Variants in PCDHGA4 observed in about 807,000 individuals in gnomAD.
PCDHGA4 encodes protocadherin gamma subfamily A, 4.
PCDHGA4 carries 38 observed loss-of-function variants against 54.6 expected under a neutral mutation model. The ratio of observed to expected loss-of-function variants is 0.70; its 90% CI spans 0.54 to 0.91. The LOEUF is 0.91. PCDHGA4 is among the 40% of genes least tolerant of loss of function. The probability of loss-of-function intolerance (pLI) is 0.00; values close to 1 mark genes in which losing one functional copy is unlikely to be tolerated. For missense variants in PCDHGA4, 1,298 were observed against 1,220.9 expected, an observed-to-expected ratio of 1.06 and a Z score of -0.94; for synonymous variants, 511 against 512.9, an observed-to-expected ratio of 1.00 and a Z score of 0.05.
At chr5:141,398,667 A>G (rs750777887) in intron 1 of PCDHGA4, 1 of 1,614,006 alleles carries the variant, frequency 6.2e-7, no homozygotes, top group Admixed American at 1.7e-5. Flanking sequence ...GTTTCTCATT[A>G]ATAATTAAGG....
chr5:141,361,727 C>A, intron 1 of PCDHGA4: 1 of 1,613,274 alleles, frequency 6.2e-7, no homozygotes, highest in Non-Finnish European at 8.5e-7. Flanking sequence ...TTCGAGCTCA[C>A]ACTGCAGGCC....
At chr5:141,506,700 G>A (rs780282969) in intron 3 of PCDHGA4, among the ~76,000 whole-genome samples, 3 of 152,138 alleles carry the variant, frequency 2.0e-5, no homozygotes, top group Non-Finnish European at 2.9e-5. Flanking sequence ...ACCCAAACCC[G>A]TTTTTTACTG....
chr5:141,366,787 T>C, intron 1 of PCDHGA4: 1 of 1,572,004 alleles, frequency 6.4e-7, no homozygotes, highest in Non-Finnish European at 8.6e-7. Flanking sequence ...GACCAGAACA[T>C]TTTCATTTGT....
intron 1 of PCDHGA4, among the ~76,000 whole-genome samples, chr5:141,425,114 T>A (rs537694464): frequency 5.9e-5 from 9 of 152,326 alleles, no homozygotes; most frequent in African/African-American, 2.2e-4. Context: ...TGCCTACATT[T>A]TTCTTGAAGT....
intron 1 of PCDHGA4, chr5:141,366,813 T>G (rs1281662720): frequency 6.5e-7 from 1 of 1,549,490 alleles, no homozygotes. Flanking sequence ...TTTTCATGTT[T>G]CTGTCATATT....
intron 2 of PCDHGA4, among the ~76,000 whole-genome samples, chr5:141,502,988 C>A (rs1285178746): frequency 6.7e-6 from 1 of 150,346 alleles, no homozygotes; most frequent in Non-Finnish European, 1.5e-5. Flanking sequence ...GGATTACAGG[C>A]GTGTGCCACC....
chr5:141,471,124 A>C (rs2099250596), intron 1 of PCDHGA4, among the ~76,000 whole-genome samples: 1 of 141,916 alleles, frequency 7.0e-6, no homozygotes, highest in East Asian at 2.1e-4. Flanking sequence ...TCTTACCTTC[A>C]CTGCAACCTC....
chr5:141,404,651 C>T, intron 1 of PCDHGA4: 2 of 1,614,184 alleles, frequency 1.2e-6, no homozygotes, highest in Non-Finnish European at 1.7e-6. Flanking sequence ...GTACCCTGCC[C>T]TCCCCACTGA....
chr5:141,474,011 A>T (rs910186122), intron 1 of PCDHGA4, among the ~76,000 whole-genome samples: 2 of 152,112 alleles, frequency 1.3e-5, no homozygotes, highest in Non-Finnish European at 2.9e-5. Flanking sequence ...TGGAAGTTAC[A>T]GTGAGCTATG....
chr5:141,366,872 A>C (rs1764836796), intron 1 of PCDHGA4: 2 of 1,396,140 alleles, frequency 1.4e-6, no homozygotes, highest in Admixed American at 2.4e-5. Flanking sequence ...GCTGTATTGG[A>C]GATTAATTTT....
intron 1 of PCDHGA4, chr5:141,411,270 A>G (rs1299052773): frequency 6.6e-6 from 1 of 152,160 alleles, no homozygotes; most frequent in African/African-American, 2.4e-5. Context: ...ATATTTTTAA[A>G]GCCTAAAAAT....
intron 1 of PCDHGA4, chr5:141,419,602 C>T (rs757423030): frequency 6.2e-7 from 1 of 1,611,874 alleles, no homozygotes; most frequent in Admixed American, 1.7e-5. Flanking sequence ...TGCCGCGGGC[C>T]GCGCAGCCAG....
At chr5:141,453,046 T>C (rs1561950003) in intron 1 of PCDHGA4, among the ~76,000 whole-genome samples, 1 of 152,186 alleles carries the variant, frequency 6.6e-6, no homozygotes, top group Non-Finnish European at 1.5e-5. Context: ...GTTTCTATTA[T>C]GTGCAGTTTT....
rs1339855222 is a variant in PCDHGA4, at chr5:141,355,369, C to A, written c.262C>A (p.Arg88=). Residue 88 remains arginine, a synonymous_variant, in exon 1 of 4, where the codon CGG becomes AGG. Transcript: ENST00000571252. The part of the protein sequence containing the change: ...NIAKDLGLAP[R]ELAERGVRIV... ...CGCCAAGGACCTGGGGTTGGCGCCC[C>A]GGGAGCTGGCGGAGCGCGGAGTCCG... 2 of 1,614,040 alleles carry A rather than the reference C, an allele frequency of 1.2e-6. No homozygotes were observed. Among genetic ancestry groups the A allele is most frequent in the Admixed American group, 3.3e-5 (2 of 60,026 alleles).
chr5:141,379,192 T>A (rs970501153), intron 1 of PCDHGA4: 36 of 152,346 alleles, frequency 2.4e-4, no homozygotes, highest in African/African-American at 8.7e-4. Context: ...AGTTGATGTG[T>A]TTTTAAATAA....
rs911461762 is a variant in PCDHGA4 at position 141,512,938 on chromosome 5, T to C, written c.*1765T>C. The stretch of plus-strand genomic sequence containing the variant: ...ACTCTAATATTTATATGGCTTTTTT[T>C]CTTCGACAAAAAAATAATAAAACGT... On this transcript the variant is annotated 3_prime_UTR_variant, in exon 4 of 4. Coordinates refer to ENST00000571252, the MANE Select transcript of PCDHGA4 (RefSeq NM_018917.4). 6.6e-6 allele frequency: 1 copy of C among 151,928 alleles called. No homozygotes were observed. Among genetic ancestry groups the C allele is most frequent in the Non-Finnish European group, 1.5e-5 (1 of 67,934 alleles). The allele number at this position is 151,928 out of a possible 1,614,324, so 9.4% of individuals were successfully genotyped here.
In PCDHGA4 at chr5:141,421,591, G is replaced by A. The variant is rs1273484124; in HGVS notation, c.2514+63970G>A. The A allele has an allele frequency of 1.9e-6, 3 of 1,613,756 alleles. No homozygotes were observed. In the Admixed American group the frequency reaches 5.0e-5, roughly 27 times the overall value. ...CACCTTGAAGATTTACGGAGTGGAG[G>A]TGGAAATAATAGATATTAATGATAA... is the stretch of plus-strand genomic sequence containing the variant. On this transcript the variant is annotated intron_variant, in intron 1 of 3. Transcript: ENST00000571252.
intron 1 of PCDHGA4, among the ~76,000 whole-genome samples, chr5:141,443,537 T>C (rs986467958): frequency 6.6e-6 from 1 of 152,180 alleles, no homozygotes; most frequent in African/African-American, 2.4e-5. Flanking sequence ...ATTTAAAGCT[T>C]GGGAAATTGT....
intron 1 of PCDHGA4, chr5:141,374,688 G>T (rs750510871): frequency 1.2e-6 from 2 of 1,609,528 alleles, no homozygotes; most frequent in South Asian, 2.2e-5. Context: ...ACACTGGACC[G>T]GGAAGGAGAA....
Sources: gnomAD v4.1 joint callset for allele counts (sites outside exome capture counted in the v4.1 genomes callset) on GRCh38, gnomAD v4.1.1 for gene constraint, MANE v1.5 for transcripts, NCBI Gene and HGNC (gene_info 2026-07-23, HGNC 2026-07-21) for gene names.